Variants in TMEM178A observed in about 807,000 individuals in gnomAD.
The protein encoded by TMEM178A is transmembrane protein 178.
Under a neutral mutation model 29.1 loss-of-function variants are expected in TMEM178A, and 12 were observed. That is an observed-to-expected ratio of 0.41 (90% confidence interval 0.26 to 0.67). The LOEUF is 0.67. Among genes scored for constraint, TMEM178A ranks in the 30% least tolerant of loss-of-function variants. The probability of loss-of-function intolerance (pLI) is 0.29; values close to 1 mark genes in which losing one functional copy is unlikely to be tolerated. For missense variants in TMEM178A, 366 were observed against 419.1 expected, an observed-to-expected ratio of 0.87 and a Z score of 1.11; for synonymous variants, 210 against 187.2, an observed-to-expected ratio of 1.12 and a Z score of -0.99.
In TMEM178A at chr2:39,679,674, C is replaced by T. The variant is rs529864660; in HGVS notation, c.400+13300C>T. On this transcript the variant is annotated intron_variant, in intron 1 of 3. Transcript: ENST00000281961. ...ACTTAGTAGGGCAGTTTTCAGAAGA[C>T]GGAAACTCAATATATTGGTCATACT... 5.3e-5 allele frequency among the ~76,000 whole-genome samples: 8 copies of T among 152,218 alleles called. No individual in the cohort carries two copies. In the East Asian group the frequency reaches 7.7e-4, roughly 15 times the overall value.
At chr2:39,695,669 A>C (rs954559) in intron 1 of TMEM178A, among the ~76,000 whole-genome samples, 1 of 151,878 alleles carries the variant, frequency 6.6e-6, no homozygotes. Flanking sequence ...AGTCACAGGT[A>C]AGTGTAAGTG....
At chr2:39,679,841 C>G (rs1235452033) in intron 1 of TMEM178A, among the ~76,000 whole-genome samples, 1 of 152,172 alleles carries the variant, frequency 6.6e-6, no homozygotes, top group South Asian at 2.1e-4. Flanking sequence ...GCAAGAAAGA[C>G]TCTTGGTTGC....
At chr2:39,667,730 G>T (rs968073223) in intron 1 of TMEM178A, among the ~76,000 whole-genome samples, 1 of 152,186 alleles carries the variant, frequency 6.6e-6, no homozygotes, top group Non-Finnish European at 1.5e-5. Context: ...ATCTGTCTGC[G>T]TGTGGAAGGA....
chr2:39,696,611 C>G (rs912384853), intron 1 of TMEM178A, among the ~76,000 whole-genome samples: 2 of 152,206 alleles, frequency 1.3e-5, no homozygotes, highest in African/African-American at 4.8e-5. Context: ...CCAAGTCTGT[C>G]TGACCGCAAG....
chr2:39,702,143 A>G (rs1007968560), intron 1 of TMEM178A, among the ~76,000 whole-genome samples: 2 of 151,886 alleles, frequency 1.3e-5, no homozygotes, highest in African/African-American at 2.4e-5. Flanking sequence ...ATAACATACT[A>G]TGGCAGCTCT....
chr2:39,732,180 C>T, the TMEM178A span, among the ~76,000 whole-genome samples: 5 of 152,148 alleles, frequency 3.3e-5, no homozygotes, highest in Admixed American at 3.3e-4. Flanking sequence ...GAGAACTTCC[C>T]CACTTTCTTT....
intron 1 of TMEM178A, among the ~76,000 whole-genome samples, chr2:39,682,912 T>A (rs933879400): frequency 6.6e-6 from 1 of 152,086 alleles, no homozygotes; most frequent in Non-Finnish European, 1.5e-5. Flanking sequence ...CCCACACAAT[T>A]CTCCTCTTCA....
At chr2:39,703,254 A>T (rs572655038) in intron 1 of TMEM178A, among the ~76,000 whole-genome samples, 1 of 152,216 alleles carries the variant, frequency 6.6e-6, no homozygotes, top group East Asian at 1.9e-4. Context: ...AGAACATTTT[A>T]TAAGTTTTTT....
chr2:39,672,889 C>T (rs1039865693), intron 1 of TMEM178A, among the ~76,000 whole-genome samples: 1 of 152,082 alleles, frequency 6.6e-6, no homozygotes, highest in African/African-American at 2.4e-5. Context: ...GTTGGAGGAG[C>T]GTCTGGACAT....
At chr2:39,678,324 C>T (rs1670716405) in intron 1 of TMEM178A, among the ~76,000 whole-genome samples, 1 of 151,966 alleles carries the variant, frequency 6.6e-6, no homozygotes, top group South Asian at 2.1e-4. Flanking sequence ...AATATGGAAA[C>T]AATCCAAATG....
intron 3 of TMEM178A, among the ~76,000 whole-genome samples, chr2:39,712,230 G>A (rs1672341581): frequency 6.6e-6 from 1 of 151,896 alleles, no homozygotes; most frequent in Non-Finnish European, 1.5e-5. Flanking sequence ...AAGGAGCAGG[G>A]GAAAAAAATC....
Position 39,666,131 on chromosome 2 carries a change from C to T in TMEM178A, c.157C>T (p.Pro53Ser). The change falls in exon 1 of 4, where the codon CCG (proline) becomes TCG (serine). Residue 53 changes from proline (P) to serine (S), a missense_variant. Around this residue, in one of 2 missense-constraint regions of TMEM178A, gnomAD observed 247 missense variants for 246.8 expected, o/e 1.00. Transcript: ENST00000281961. Reference protein sequence around the residue: ...CERSRAGADPPDQKNRLMPLS... With the variant: ...CERSRAGADPSDQKNRLMPLS... ...GCGCAGCCGCGCGGGCGCCGACCCC[C>T]CGGACCAGAAGAACCGCCTGATGCC... The T allele has an allele frequency of 6.5e-7, 1 of 1,543,050 alleles. No homozygotes were observed. The highest frequency in any genetic ancestry group is 1.9e-5 in the Admixed American group (1 of 51,314).
chr2:39,710,053 C>T (rs1672238185), intron 3 of TMEM178A, among the ~76,000 whole-genome samples: 2 of 152,194 alleles, frequency 1.3e-5, no homozygotes, highest in Admixed American at 6.5e-5. Context: ...CTCCACCTCT[C>T]CCTGTTCTCA....
chr2:39,708,864 A>G (rs1421823979), intron 3 of TMEM178A, among the ~76,000 whole-genome samples: 2 of 152,080 alleles, frequency 1.3e-5, no homozygotes, highest in Non-Finnish European at 2.9e-5. Context: ...CAGGGAAGAA[A>G]TCTTTCCTTT....
At chr2:39,689,052 C>T (rs1671202052) in intron 1 of TMEM178A, among the ~76,000 whole-genome samples, 1 of 152,210 alleles carries the variant, frequency 6.6e-6, no homozygotes, top group South Asian at 2.1e-4. Context: ...CTTTCCTATT[C>T]ACCATATACA....
chr2:39,716,284 T>G (rs2148120545), intron 3 of TMEM178A, among the ~76,000 whole-genome samples: 1 of 152,352 alleles, frequency 6.6e-6, no homozygotes, highest in East Asian at 1.9e-4. Flanking sequence ...GAAGTATTTT[T>G]AAAATCAGTC....
intron 1 of TMEM178A, among the ~76,000 whole-genome samples, chr2:39,687,130 A>G (rs1671114498): frequency 6.6e-6 from 1 of 151,974 alleles, no homozygotes; most frequent in Non-Finnish European, 1.5e-5. Context: ...TCAGGATTAG[A>G]TATGATAAGG....
chr2:39,678,887 T>C (rs1168631170), intron 1 of TMEM178A, among the ~76,000 whole-genome samples: 14 of 152,186 alleles, frequency 9.2e-5, no homozygotes, highest in Admixed American at 9.2e-4. Flanking sequence ...CACTTTCGTA[T>C]CTCTGTGTCA....
intron 3 of TMEM178A, among the ~76,000 whole-genome samples, chr2:39,708,624 A>G (rs1469127068): frequency 6.6e-6 from 1 of 151,014 alleles, no homozygotes; most frequent in Non-Finnish European, 1.5e-5. Context: ...TCACCGTGTT[A>G]GCCAGGATGG....
Sources: gnomAD v4.1 joint callset for allele counts (sites outside exome capture counted in the v4.1 genomes callset) on GRCh38, gnomAD v4.1.1 for gene constraint, gnomAD v4.1.1 regional missense constraint, MANE v1.5 for transcripts, NCBI Gene and HGNC (gene_info 2026-07-23, HGNC 2026-07-21) for gene names.